LARGE1: variants seen among roughly 807,000 people sequenced by gnomAD.
LARGE1 encodes the protein xylosyl- and glucuronyltransferase LARGE1.
LARGE1 carries 43 observed loss-of-function variants against 87.6 expected under a neutral mutation model. The ratio of observed to expected loss-of-function variants is 0.49; its 90% confidence interval spans 0.38 to 0.63. The LOEUF (loss-of-function observed/expected upper bound fraction) is 0.63. Ranked by LOEUF, LARGE1 falls within the 30% of genes least tolerant of loss-of-function variation. LARGE1 has a pLI of 0.00. For missense variants in LARGE1, 802 were observed against 1,000.2 expected, an observed-to-expected ratio of 0.80 and a Z score of 2.67; for synonymous variants, 434 against 394.6, an observed-to-expected ratio of 1.10 and a Z score of -1.18.
chr22:33,447,496 G>A (rs1383542218), intron 6 of LARGE1, among the ~76,000 whole-genome samples: 2 of 152,202 alleles, frequency 1.3e-5, no homozygotes, highest in East Asian at 3.9e-4. Context: ...CCGGAAGGAA[G>A]GGGCACAGTG....
At chr22:33,368,895 C>T (rs1270497915) in intron 9 of LARGE1, among the ~76,000 whole-genome samples, 2 of 152,066 alleles carry the variant, frequency 1.3e-5, no homozygotes, top group Non-Finnish European at 2.9e-5. Context: ...TAATGATCAC[C>T]TGGCCTTCAG....
chr22:33,315,097 T>C (rs924477191), intron 11 of LARGE1, among the ~76,000 whole-genome samples: 2 of 152,246 alleles, frequency 1.3e-5, no homozygotes, highest in Admixed American at 1.3e-4. Context: ...CAGTCCCAGC[T>C]ACTCGGGAGG....
chr22:33,412,763 C>T (rs1254784392), intron 7 of LARGE1, among the ~76,000 whole-genome samples: 2 of 152,186 alleles, frequency 1.3e-5, no homozygotes, highest in Non-Finnish European at 2.9e-5. Flanking sequence ...CTGGTTCAAG[C>T]AATTCTCCTG....
At chr22:33,911,865 C>T (rs750915921) in intron 1 of LARGE1, among the ~76,000 whole-genome samples, 7 of 152,334 alleles carry the variant, frequency 4.6e-5, no homozygotes, top group East Asian at 3.9e-4. Context: ...TGCTAGGAGA[C>T]GCCTTGAGGA....
intron 3 of LARGE1, among the ~76,000 whole-genome samples, chr22:33,649,470 T>A (rs1031446069): frequency 6.6e-5 from 10 of 152,188 alleles, no homozygotes; most frequent in Admixed American, 3.9e-4. Context: ...ATTTTGAAAA[T>A]GTACTATGTA....
chr22:33,479,982 T>C (rs1425352426), intron 6 of LARGE1, among the ~76,000 whole-genome samples: 1 of 152,148 alleles, frequency 6.6e-6, no homozygotes, highest in East Asian at 1.9e-4. Flanking sequence ...TGACCTCAGG[T>C]GATCTGACTG....
At chr22:33,898,984 A>G (rs974806749) in intron 1 of LARGE1, among the ~76,000 whole-genome samples, 1 of 152,126 alleles carries the variant, frequency 6.6e-6, no homozygotes, top group African/African-American at 2.4e-5. Context: ...GCTGCTCCCT[A>G]TCAGAAGTGA....
upstream of LARGE1, chr22:33,922,665 G>C (rs1350777205): frequency 6.6e-6 from 1 of 152,234 alleles, no homozygotes; most frequent in African/African-American, 2.4e-5. Flanking sequence ...AGGCATAGCA[G>C]ATTCTGTTTC....
At chr22:33,548,351 T>C (rs929161538) in intron 6 of LARGE1, among the ~76,000 whole-genome samples, 1 of 152,178 alleles carries the variant, frequency 6.6e-6, no homozygotes, top group Admixed American at 6.5e-5. Context: ...ATGTTTCCTG[T>C]ACAGCCTGCA....
At chr22:33,126,751 AT>A in the LARGE1 span, among the ~76,000 whole-genome samples, 1 of 152,244 alleles carries the variant, frequency 6.6e-6, no homozygotes, top group African/African-American at 2.4e-5. Context: ...GACATACAAA[AT>A]TGATGCACAC....
chr22:33,184,368 G>A (rs1923362382), intron 11 of LARGE1, among the ~76,000 whole-genome samples: 1 of 150,788 alleles, frequency 6.6e-6, no homozygotes, highest in South Asian at 2.1e-4. Flanking sequence ...GAAATCACAA[G>A]AGAATAAAAA....
chr22:33,545,376 C>T (rs2077331700), intron 6 of LARGE1, among the ~76,000 whole-genome samples: 1 of 151,200 alleles, frequency 6.6e-6, no homozygotes, highest in Non-Finnish European at 1.5e-5. Context: ...AACTCAGCCT[C>T]CCAAGTAGCT....
intron 2 of LARGE1, among the ~76,000 whole-genome samples, chr22:33,658,930 T>C (rs1356906183): frequency 6.6e-6 from 1 of 152,218 alleles, no homozygotes; most frequent in Non-Finnish European, 1.5e-5. Flanking sequence ...AATTATAGTA[T>C]TGCTCTGACC....
At chr22:33,572,079 A>G (rs2078221743) in intron 5 of LARGE1, 3 of 547,438 alleles carry the variant, frequency 5.5e-6, no homozygotes, top group Admixed American at 5.0e-5. Flanking sequence ...GCGTTACTAT[A>G]TATGTAATCT....
the LARGE1 span, among the ~76,000 whole-genome samples, chr22:33,111,688 C>T: frequency 6.6e-6 from 1 of 152,168 alleles, no homozygotes; most frequent in Non-Finnish European, 1.5e-5. Context: ...CATTTGCATC[C>T]CACCTCTGCC....
intron 6 of LARGE1, among the ~76,000 whole-genome samples, chr22:33,552,839 T>C (rs554853536): frequency 1.3e-5 from 2 of 152,168 alleles, no homozygotes; most frequent in African/African-American, 2.4e-5. Context: ...TGAGATAATA[T>C]GACAAAACAC....
intron 4 of LARGE1, among the ~76,000 whole-genome samples, chr22:33,608,798 G>A (rs1042637180): frequency 6.6e-6 from 1 of 152,172 alleles, no homozygotes; most frequent in African/African-American, 2.4e-5. Context: ...TACCTACTGA[G>A]TGACTGTAAG....
intron 2 of LARGE1, among the ~76,000 whole-genome samples, chr22:33,741,232 A>G (rs1287417251): frequency 6.6e-6 from 1 of 152,220 alleles, no homozygotes; most frequent in Non-Finnish European, 1.5e-5. Flanking sequence ...ATTAGATTAC[A>G]GTCTTGACAA....
chr22:33,117,723 T>C, the LARGE1 span, among the ~76,000 whole-genome samples: 6 of 152,204 alleles, frequency 3.9e-5, no homozygotes, highest in Non-Finnish European at 8.8e-5. Flanking sequence ...GAACAAATTG[T>C]ACCAAAATCA....
Sources: gnomAD v4.1 joint callset for allele counts (sites outside exome capture counted in the v4.1 genomes callset) on GRCh38, gnomAD v4.1.1 for gene constraint, MANE v1.5 for transcripts, NCBI Gene and HGNC (gene_info 2026-07-23, HGNC 2026-07-21) for gene names.